Variants in UBE4B observed in about 807,000 individuals in gnomAD.
The protein encoded by UBE4B is ubiquitination factor E4B.
Under a neutral mutation model 148.1 loss-of-function variants are expected in UBE4B, and 27 were observed. The ratio of observed to expected loss-of-function variants is 0.18; its 90% CI spans 0.13 to 0.25. The LOEUF (loss-of-function observed/expected upper bound fraction) is 0.25. Ranked by LOEUF, UBE4B falls within the 10% of genes least tolerant of loss-of-function variation. The pLI is 1.00. For missense variants in UBE4B, 1,170 were observed against 1,662.4 expected (o/e 0.70, Z 5.15); for synonymous variants, 596 against 619.3 (o/e 0.96, Z 0.56).
intron 1 of UBE4B, among the ~76,000 whole-genome samples, chr1:10,055,518 A>G (rs1644149642): frequency 6.6e-6 from 1 of 152,006 alleles, no homozygotes; most frequent in Admixed American, 6.6e-5. Flanking sequence ...GGGTCTCGTT[A>G]TGTTGCCCAA....
In UBE4B at chr1:10,055,533, G is replaced by C. The variant is rs541687318; in HGVS notation, c.25-16495G>C. On this transcript the variant is annotated intron_variant, in intron 1 of 27. Coordinates refer to ENST00000343090, the MANE Select transcript of UBE4B (RefSeq NM_001105562.3). ...GGGTCTCGTTATGTTGCCCAAGCTG[G>C]TTTCCAACTCCTGGCTTCAAGCCTT... 2.0e-5 allele frequency among the ~76,000 whole-genome samples: 3 copies of C among 152,212 alleles called. No homozygotes were observed. In the East Asian group the frequency reaches 5.8e-4, roughly 29 times the overall value.
chr1:10,179,471 C>G lies in UBE4B; in HGVS notation c.3756C>G (p.Ile1252Met), dbSNP rs1646474588. Reference protein sequence around the residue: ...TDPVRLPSGTIMDRSIILRHL... With the variant: ...TDPVRLPSGTMMDRSIILRHL... ...CCGTGCGGCTGCCCTCTGGCACCATCATGGACCGCTCCATCATCCTGCGGC... is the reference window on the plus strand; with the variant it reads ...CCGTGCGGCTGCCCTCTGGCACCATGATGGACCGCTCCATCATCCTGCGGC... The change falls in exon 27 of 28, where the codon ATC (isoleucine) becomes ATG (methionine). Residue 1252 changes from isoleucine (I) to methionine (M), a missense_variant. By Grantham distance (10) the Ile-to-Met change is conservative. Coordinates refer to ENST00000343090, the MANE Select transcript of UBE4B (RefSeq NM_001105562.3). 1 of 1,613,982 alleles carries G rather than the reference C, an allele frequency of 6.2e-7. No homozygotes were observed. Among genetic ancestry groups the G allele is most frequent in the South Asian group, 1.1e-5 (1 of 91,088 alleles).
rs1645962439 is a variant in UBE4B, at chr1:10,150,886, G to T, written c.2691-440G>T. ...AGAAAAAAAAAAAAAAATAGGCTGGGCGCAGTGGCTCATGCCTGTAATCCC... is the reference window on the plus strand; with the variant it reads ...AGAAAAAAAAAAAAAAATAGGCTGGTCGCAGTGGCTCATGCCTGTAATCCC... On this transcript the variant is annotated intron_variant, in intron 20 of 27. Coordinates refer to ENST00000343090, the MANE Select transcript of UBE4B (RefSeq NM_001105562.3). 3.4e-5 allele frequency among the ~76,000 whole-genome samples: 5 copies of T among 148,496 alleles called. No homozygotes were observed. The Admixed American group carries it at 3.4e-4, about 10-fold the overall frequency.
Position 10,105,568 on chromosome 1 carries a change from G to T in UBE4B, c.633G>T (p.Met211Ile). 6.2e-7 allele frequency: 1 copy of T among 1,614,192 alleles called. No homozygotes were observed. The highest frequency in any genetic ancestry group is 8.5e-7 in the Non-Finnish European group (1 of 1,180,046). The part of the protein sequence containing the change: ...LIGQILMEVL[M>I]MSTQTRDENP... ...GCCAGATTTTAATGGAAGTGCTAAT[G>T]ATGTCCACTCAGACCAGAGATGAAA... Residue 211 changes from methionine (M) to isoleucine (I), a missense_variant, in exon 6 of 28, where the codon ATG becomes ATT. Coordinates refer to ENST00000343090, the MANE Select transcript of UBE4B (RefSeq NM_001105562.3).
rs1394684270 is a variant in UBE4B at position 10,072,436 on chromosome 1, T to C, written c.211+222T>C. ...TGCTTTTCTTTCCATAACTTCCATC[T>C]TTTTTTTTTTCAAACAGGTTTAGGT... On this transcript the variant is annotated intron_variant, in intron 2 of 27. Transcript: ENST00000343090. 4 of 349,228 alleles carry C rather than the reference T, an allele frequency of 1.1e-5. No homozygotes were observed. The East Asian group carries it at 1.9e-4, about 17-fold the overall frequency. 21.6% of individuals were successfully genotyped at this position (349,228 alleles called of 1,614,324 possible). A position where few individuals can be genotyped will look rare whatever the true frequency, so the allele number is the denominator to read the frequency against.
chr1:10,149,076 G>T, intron 19 of UBE4B, 108 bp from the exon 20 acceptor site: 1 of 767,940 alleles, frequency 1.3e-6, no homozygotes, highest in Admixed American at 2.9e-5. Flanking sequence ...ATTACAGAAT[G>T]ATTTTCTTCC....
At chr1:10,145,681 C>G (rs1342057792) in intron 18 of UBE4B, 1 of 152,256 alleles carries the variant, frequency 6.6e-6, no homozygotes, top group African/African-American at 2.4e-5. Flanking sequence ...TGTCTCCCAC[C>G]CCTCGCCCCA....
In UBE4B at chr1:10,157,808, T is replaced by C. The variant is rs1364326104; in HGVS notation, c.2927-548T>C. ...ATAATAATAATAATAAAATTTGTCA[T>C]GAATTCTGAAATTTCTCATGCCTAA... is the stretch of plus-strand genomic sequence containing the variant. On this transcript the variant is annotated intron_variant, in intron 21 of 27. Coordinates refer to ENST00000343090, the MANE Select transcript of UBE4B (RefSeq NM_001105562.3). 2.0e-5 allele frequency among the ~76,000 whole-genome samples: 3 copies of C among 152,124 alleles called. No individual in the cohort carries two copies. The East Asian group carries it at 5.8e-4, about 29-fold the overall frequency.
In UBE4B at chr1:10,180,914, G is replaced by A. The variant is rs1323516066; in HGVS notation, c.*958G>A. 1 of 152,426 alleles carries A rather than the reference G, an allele frequency of 6.6e-6. No homozygotes were observed. Among genetic ancestry groups the A allele is most frequent in the Non-Finnish European group, 1.5e-5 (1 of 67,998 alleles). 9.4% of individuals were successfully genotyped at this position (152,426 alleles called of 1,614,324 possible). A position where few individuals can be genotyped will look rare whatever the true frequency, so the allele number is the denominator to read the frequency against. On this transcript the variant is annotated 3_prime_UTR_variant, in exon 28 of 28. Coordinates refer to ENST00000343090, the MANE Select transcript of UBE4B (RefSeq NM_001105562.3). The stretch of plus-strand genomic sequence containing the variant: ...TTTGAGGCAGGGTCATTTGTGTGAT[G>A]TGTTTGGCCTTACCAAAGCAAAAGA...
Position 10,166,962 on chromosome 1 carries a change from CACACACACAAAAAAAA to C in UBE4B, c.3199-1172_3199-1157del, listed in dbSNP as rs1301793626. ...TAAATCACACACACACACACACACA[CACACACACAAAAAAAA>C]AAAATTAGCTGGGCATGGTGGTCCA... On this transcript the variant is annotated intron_variant, in intron 23 of 27. Transcript: ENST00000343090. Among the ~76,000 whole-genome samples, 678 of 141,864 alleles carry C rather than the reference CACACACACAAAAAAAA, an allele frequency of 4.8e-3. 6 individuals are homozygous for C. The highest frequency in any genetic ancestry group is 0.019 in the African/African-American group (647 of 34,936). The allele number at this position is 141,864 out of a possible 152,430, so 93.1% of individuals were successfully genotyped here. A position where few individuals can be genotyped will look rare whatever the true frequency, so the allele number is the denominator to read the frequency against.
intron 21 of UBE4B, among the ~76,000 whole-genome samples, chr1:10,156,900 GGC>G (rs1238750281): frequency 6.6e-6 from 1 of 152,054 alleles, no homozygotes; most frequent in East Asian, 1.9e-4. Flanking sequence ...AAGGTATAGT[GGC>G]TCACACCTGT....
chr1:10,073,440 G>A (rs1374683917), intron 2 of UBE4B, among the ~76,000 whole-genome samples: 1 of 152,092 alleles, frequency 6.6e-6, no homozygotes, highest in Non-Finnish European at 1.5e-5. Context: ...ATGATTACAT[G>A]GCTGGGTGTG....
Position 10,171,271 on chromosome 1 carries a change from CG to C in UBE4B, c.3469del (p.Asp1157IlefsTer43). 6.2e-7 allele frequency: 1 copy of C among 1,614,168 alleles called. No homozygotes were observed. Among genetic ancestry groups the C allele is most frequent in the Non-Finnish European group, 8.5e-7 (1 of 1,180,038 alleles). On this transcript the variant is annotated frameshift_variant, in exon 25 of 28. Coordinates refer to ENST00000343090, the MANE Select transcript of UBE4B (RefSeq NM_001105562.3). LOFTEE classifies it high-confidence loss of function. The part of the protein sequence containing the change: ...FEPKKLLDQL[T>X]DIYLQLDCAR... ...CCAAAGAAGCTGTTGGACCAACTGACGGATATTTACTTACAGCTGGACTGTG... is the reference window on the plus strand; with the variant it reads ...CCAAAGAAGCTGTTGGACCAACTGACGATATTTACTTACAGCTGGACTGTG...
chr1:10,033,609 C>CG lies in UBE4B; in HGVS notation c.-61dup. Reference sequence around the variant, plus strand: ...AGACACCTTCCACTCTCCTTCCTCCCGCCGTGGTCTCGAGAACAGAAGGAT... The same window carrying CG: ...AGACACCTTCCACTCTCCTTCCTCCCGGCCGTGGTCTCGAGAACAGAAGGAT... On this transcript the variant is annotated 5_prime_UTR_variant, in exon 1 of 28. Transcript: ENST00000343090. 6.9e-7 allele frequency: 1 copy of CG among 1,456,264 alleles called. No homozygotes were observed. The highest frequency in any genetic ancestry group is 9.1e-7 in the Non-Finnish European group (1 of 1,097,626). 90.2% of individuals were successfully genotyped at this position (1,456,264 alleles called of 1,614,324 possible).
chr1:10,075,983 G>A (rs1230493216), intron 2 of UBE4B, among the ~76,000 whole-genome samples: 1 of 152,170 alleles, frequency 6.6e-6, no homozygotes, highest in Non-Finnish European at 1.5e-5. Flanking sequence ...GGTGGAGGTT[G>A]CCGTGAGCTG....
At chr1:10,063,265 A>G (rs954610996) in intron 1 of UBE4B, among the ~76,000 whole-genome samples, 2 of 152,138 alleles carry the variant, frequency 1.3e-5, no homozygotes, top group East Asian at 1.9e-4. Flanking sequence ...GTGAGACCCT[A>G]TCTCAAAAAA....
In UBE4B at chr1:10,138,376, C is replaced by T. The variant is rs568623772; in HGVS notation, c.2363+1171C>T. Among the ~76,000 whole-genome samples, 8 of 152,006 alleles carry T rather than the reference C, an allele frequency of 5.3e-5. No individual in the cohort carries two copies. The East Asian group carries it at 1.2e-3, about 22-fold the overall frequency. ...CCTCCCAAAGTGCTGGAATTACAGGCGTGAGCCCATGCACCTGGCCCAATT... is the reference window on the plus strand; with the variant it reads ...CCTCCCAAAGTGCTGGAATTACAGGTGTGAGCCCATGCACCTGGCCCAATT... On this transcript the variant is annotated intron_variant, in intron 17 of 27. Transcript: ENST00000343090.
intron 8 of UBE4B, among the ~76,000 whole-genome samples, chr1:10,119,124 G>A (rs1225934680): frequency 2.0e-5 from 3 of 151,706 alleles, no homozygotes; most frequent in African/African-American, 4.8e-5. Flanking sequence ...CTTGTGATCC[G>A]CCCTTCTTGG....
At chr1:10,174,474 G>A (rs1646386637) in intron 25 of UBE4B, among the ~76,000 whole-genome samples, 2 of 151,708 alleles carry the variant, frequency 1.3e-5, no homozygotes, top group South Asian at 4.2e-4. Context: ...GCCGAGGCGG[G>A]CAGATCACCT....
Sources: allele counts gnomAD v4.1 joint callset (sites outside exome capture counted in the v4.1 genomes callset), GRCh38; gene constraint gnomAD v4.1.1; transcripts MANE v1.5; gene names NCBI Gene and HGNC (gene_info 2026-07-23, HGNC 2026-07-21).